Variants in IREB2 observed in about 807,000 individuals in gnomAD.
IREB2 encodes the protein iron-responsive element-binding protein 2.
In IREB2, 39 loss-of-function variants were observed where a neutral mutation model predicts 118.8. That is an observed-to-expected ratio of 0.33 (90% CI 0.25 to 0.43). The LOEUF is 0.43. IREB2 is among the 20% of genes least tolerant of loss of function. The pLI is 1.00. For synonymous variants in IREB2, 372 were observed against 392.2 expected (o/e 0.95, Z 0.61); for missense variants, 900 against 1,147.3 (o/e 0.78, Z 3.11).
intron 12 of IREB2, 34 bp from the exon 13 acceptor site, chr15:78,485,671 T>G: frequency 6.2e-7 from 1 of 1,602,484 alleles, no homozygotes; most frequent in Non-Finnish European, 8.5e-7. Context: ...AAAGAAACAT[T>G]GCCATAATAA....
At position 78,499,757 on chromosome 15, in the gene IREB2, A is replaced by G. The variant is rs1596021081; in HGVS notation, c.*1614A>G. On this transcript the variant is annotated 3_prime_UTR_variant, in exon 22 of 22. Transcript: ENST00000258886. ...ATGTGTTTTTAATTTACATGAAAAC[A>G]TGAGTTAGGAGAAATTACAGGTTGA... The G allele has an allele frequency of 2.0e-5, 3 of 152,368 alleles. No individual in the cohort carries two copies. The East Asian group carries it at 5.8e-4, about 29-fold the overall frequency. 9.4% of individuals were successfully genotyped at this position (152,368 alleles called of 1,614,324 possible). A position where few individuals can be genotyped will look rare whatever the true frequency, so the allele number is the denominator to read the frequency against.
rs1305302958 is a variant in IREB2 at position 78,499,047 on chromosome 15, TTTC to T, written c.*909_*911del. The T allele has an allele frequency of 6.6e-6, 1 of 152,244 alleles. No homozygotes were observed. The highest frequency in any genetic ancestry group is 2.4e-5 in the African/African-American group (1 of 41,464). 9.4% of individuals were successfully genotyped at this position (152,244 alleles called of 1,614,324 possible). On this transcript the variant is annotated 3_prime_UTR_variant, in exon 22 of 22. Transcript: ENST00000258886. ...ATTCAATCATTAAACTCTGAACTGA[TTTC>T]TTCTATACATTTAAATTATCCACCC...
intron 2 of IREB2, among the ~76,000 whole-genome samples, chr15:78,457,297 A>T (rs150511080): frequency 6.6e-6 from 1 of 151,740 alleles, no homozygotes; most frequent in African/African-American, 2.4e-5. Flanking sequence ...GACTGACTGC[A>T]TTGTAGCTTG....
At chr15:78,454,213 T>G (rs2051069877) in intron 2 of IREB2, among the ~76,000 whole-genome samples, 2 of 152,228 alleles carry the variant, frequency 1.3e-5, no homozygotes, top group South Asian at 4.1e-4. Flanking sequence ...AATGAAAACA[T>G]TTATTACACA....
intron 10 of IREB2, 142 bp downstream of exon 10, chr15:78,478,539 C>A: frequency 1.8e-6 from 1 of 545,060 alleles, no homozygotes; most frequent in Non-Finnish European, 3.3e-6. Context: ...CCTGTCACTG[C>A]AAAAAAACTA....
At position 78,460,265 on chromosome 15, in the gene IREB2, T is replaced by G. The variant is rs116293771; in HGVS notation, c.107-2657T>G. Among the ~76,000 whole-genome samples the G allele has an allele frequency of 7.8e-3, 1,196 of 152,364 alleles. 17 individuals are homozygous for G. Among genetic ancestry groups the G allele is most frequent in the African/African-American group, 0.027 (1,129 of 41,582 alleles). On this transcript the variant is annotated intron_variant, in intron 2 of 21. Coordinates refer to ENST00000258886, the MANE Select transcript of IREB2 (RefSeq NM_004136.4). The stretch of plus-strand genomic sequence containing the variant: ...TCGTTTCTTCCACATTTACTAGCTG[T>G]AATTCTTCTATAACAAAGTACTTTT...
chr15:78,460,884 T>C (rs535957099), intron 2 of IREB2, among the ~76,000 whole-genome samples: 3 of 152,266 alleles, frequency 2.0e-5, no homozygotes, highest in Admixed American at 6.5e-5. Flanking sequence ...TATTGGAAAC[T>C]GAAAAACACA....
intron 5 of IREB2, 123 bp downstream of exon 5, chr15:78,466,612 AT>A: frequency 1.5e-6 from 1 of 653,316 alleles, no homozygotes; most frequent in Non-Finnish European, 2.6e-6. Context: ...ACTGAATTGA[AT>A]TTTTATATGT....
At chr15:78,490,814 T>C (rs948421402) in intron 18 of IREB2, 53 bp downstream of exon 18, 2 of 1,531,278 alleles carry the variant, frequency 1.3e-6, no homozygotes, top group Non-Finnish European at 1.8e-6. Flanking sequence ...TCTTACTGAT[T>C]AAGAGGCTTC....
Position 78,471,779 on chromosome 15 carries a change from T to A in IREB2, c.738T>A (p.Pro246=). Residue 246 remains proline (P), a synonymous_variant, in exon 7 of 22, where the codon CCT becomes CCA. Coordinates refer to ENST00000258886, the MANE Select transcript of IREB2 (RefSeq NM_004136.4). ...TTTTTAAGAATGTGGCAGTGATCCC[T>A]CCTGGAACTGGAATGGCTCATCAAA... ...SRVFKNVAVI[P]PGTGMAHQIN... 6.2e-7 allele frequency: 1 copy of A among 1,613,026 alleles called. No individual in the cohort carries two copies. Among genetic ancestry groups the A allele is most frequent in the Non-Finnish European group, 8.5e-7 (1 of 1,179,464 alleles).
At chr15:78,486,335 G>A (rs528493466) in intron 13 of IREB2, among the ~76,000 whole-genome samples, 20 of 152,264 alleles carry the variant, frequency 1.3e-4, no homozygotes, top group African/African-American at 4.1e-4. Flanking sequence ...GGCTGGGCGC[G>A]GTGGCTCACG....
chr15:78,455,962 T>C (rs1017942988), intron 2 of IREB2, among the ~76,000 whole-genome samples: 2 of 152,198 alleles, frequency 1.3e-5, no homozygotes, highest in Admixed American at 1.3e-4. Flanking sequence ...TTCAGTTCTT[T>C]TCCATAAGGG....
At chr15:78,447,110 A>T (rs2050942844) in intron 2 of IREB2, among the ~76,000 whole-genome samples, 1 of 152,028 alleles carries the variant, frequency 6.6e-6, no homozygotes. Flanking sequence ...AGGCATGCAT[A>T]GAACCCATGA....
At chr15:78,494,095 G>T (rs1306795370) in intron 19 of IREB2, 39 bp downstream of exon 19, 1 of 1,612,646 alleles carries the variant, frequency 6.2e-7, no homozygotes, top group East Asian at 2.2e-5. Flanking sequence ...ATTTATAACT[G>T]GATCAAAATT....
intron 1 of IREB2, 135 bp from the exon 2 acceptor site, chr15:78,439,660 T>C: frequency 1.7e-6 from 1 of 574,978 alleles, no homozygotes; most frequent in Non-Finnish European, 3.0e-6. Context: ...TAATGGCTAC[T>C]TTACTGGACA....
chr15:78,495,859 A>G (rs1050209355), intron 20 of IREB2, among the ~76,000 whole-genome samples: 4 of 152,206 alleles, frequency 2.6e-5, no homozygotes, highest in Non-Finnish European at 5.9e-5. Flanking sequence ...GAACAGGAAG[A>G]CACAATTTGG....
intron 10 of IREB2, among the ~76,000 whole-genome samples, chr15:78,478,673 TCTAGA>T (rs1402715799): frequency 3.9e-5 from 6 of 152,254 alleles, no homozygotes; most frequent in African/African-American, 7.2e-5. Flanking sequence ...GCCACTGCAC[TCTAGA>T]CTAGGTAACA....
intron 2 of IREB2, among the ~76,000 whole-genome samples, chr15:78,443,522 A>G (rs2050878152): frequency 6.6e-6 from 1 of 151,942 alleles, no homozygotes; most frequent in Admixed American, 6.6e-5. Flanking sequence ...ATTTATACTC[A>G]GGGTATCTCT....
In IREB2 at chr15:78,501,394, A is replaced by T. The variant is rs575076842; in HGVS notation, c.*3251A>T. On this transcript the variant is annotated 3_prime_UTR_variant, in exon 22 of 22. Transcript: ENST00000258886. ...TGGAGGCAAAGTTCAGTTGATGACA[A>T]TTGTGTATATGTTACTGATGCTGTA... 2 of 152,762 alleles carry T rather than the reference A, an allele frequency of 1.3e-5. No homozygotes were observed. The highest frequency in any genetic ancestry group is 4.1e-4 in the South Asian group (2 of 4,828). 9.5% of individuals were successfully genotyped at this position (152,762 alleles called of 1,614,324 possible).
Sources: allele counts gnomAD v4.1 joint callset (sites outside exome capture counted in the v4.1 genomes callset), GRCh38; gene constraint gnomAD v4.1.1; transcripts MANE v1.5; gene names NCBI Gene and HGNC (gene_info 2026-07-23, HGNC 2026-07-21).